Variants in MAPK1IP1L observed in about 807,000 individuals in gnomAD.
MAPK1IP1L encodes the protein MAPK-interacting and spindle-stabilizing protein-like.
A neutral mutation model predicts 18.1 loss-of-function variants in MAPK1IP1L; 10 were observed. The ratio of observed to expected loss-of-function variants is 0.55; its 90% CI spans 0.34 to 0.94. The LOEUF is 0.94. Among genes scored for constraint, MAPK1IP1L ranks in the 40% least tolerant of loss-of-function variants. The pLI, the probability that MAPK1IP1L is intolerant of heterozygous loss-of-function variation, is 0.02. For missense variants in MAPK1IP1L, 260 were observed against 318.2 expected (o/e 0.82, Z 1.39); for synonymous variants, 115 against 117.3 (o/e 0.98, Z 0.13).
In MAPK1IP1L at chr14:55,051,679, G is replaced by T. The variant is rs1161509009; in HGVS notation, c.-129G>T. 3.9e-6 allele frequency: 2 copies of T among 515,290 alleles called. No individual in the cohort carries two copies. Among genetic ancestry groups the T allele is most frequent in the Non-Finnish European group, 7.7e-6 (2 of 259,122 alleles). The allele number at this position is 515,290 out of a possible 1,614,324, so 31.9% of individuals were successfully genotyped here. A position where few individuals can be genotyped will look rare whatever the true frequency, so the allele number is the denominator to read the frequency against. ...GTTCCGGCGCCAGGAGGAGCCGCGC[G>T]CTGCTGGTGCTGTTGCCGCCGCTGC... On this transcript the variant is annotated 5_prime_UTR_variant, in exon 1 of 4. Coordinates refer to ENST00000395468, the MANE Select transcript of MAPK1IP1L (RefSeq NM_144578.4).
chr14:55,060,074 T>G (rs915974572), intron 1 of MAPK1IP1L, among the ~76,000 whole-genome samples: 3 of 151,920 alleles, frequency 2.0e-5, no homozygotes, highest in Non-Finnish European at 4.4e-5. Flanking sequence ...TTGATAGATT[T>G]GATGACATGA....
At chr14:55,056,661 C>T (rs1304715472) in intron 1 of MAPK1IP1L, among the ~76,000 whole-genome samples, 1 of 152,140 alleles carries the variant, frequency 6.6e-6, no homozygotes, top group African/African-American at 2.4e-5. Flanking sequence ...AGGTGCCCAC[C>T]ATTATGCCTG....
chr14:55,057,940 A>C (rs2042784681), intron 1 of MAPK1IP1L, among the ~76,000 whole-genome samples: 1 of 152,158 alleles, frequency 6.6e-6, no homozygotes, highest in African/African-American at 2.4e-5. Context: ...GTCTCAAAAA[A>C]AAATTGAATG....
At chr14:55,056,291 G>C (rs945903904) in intron 1 of MAPK1IP1L, among the ~76,000 whole-genome samples, 7 of 152,186 alleles carry the variant, frequency 4.6e-5, no homozygotes, top group Non-Finnish European at 7.4e-5. Context: ...CTGAAAACCT[G>C]AACAGTCAAG....
intron 2 of MAPK1IP1L, among the ~76,000 whole-genome samples, chr14:55,062,306 G>T (rs2042824010): frequency 6.6e-6 from 1 of 152,166 alleles, no homozygotes; most frequent in South Asian, 2.1e-4. Flanking sequence ...TCCATATCTT[G>T]ACTGTTAGTT....
At chr14:55,059,313 A>C in intron 1 of MAPK1IP1L, among the ~76,000 whole-genome samples, 1 of 152,052 alleles carries the variant, frequency 6.6e-6, no homozygotes, top group African/African-American at 2.4e-5. Context: ...TTAAAATGGA[A>C]TGGTACAGTT....
rs2042876925 is a variant in MAPK1IP1L at position 55,067,835 on chromosome 14, G to C, written c.*3208G>C. 6.6e-6 allele frequency: 1 copy of C among 152,236 alleles called. No homozygotes were observed. Among genetic ancestry groups the C allele is most frequent in the Admixed American group, 6.5e-5 (1 of 15,292 alleles). The allele number at this position is 152,236 out of a possible 1,614,324, so 9.4% of individuals were successfully genotyped here. A position where few individuals can be genotyped will look rare whatever the true frequency, so the allele number is the denominator to read the frequency against. ...GGGGATACAGATTATAGAATATGCT[G>C]ACATTTGGGCTTCAGAGGAAGAATT... On this transcript the variant is annotated 3_prime_UTR_variant, in exon 4 of 4. Coordinates refer to ENST00000395468, the MANE Select transcript of MAPK1IP1L (RefSeq NM_144578.4).
intron 1 of MAPK1IP1L, among the ~76,000 whole-genome samples, chr14:55,061,213 C>T (rs1044168903): frequency 3.9e-5 from 6 of 152,102 alleles, no homozygotes; most frequent in African/African-American, 1.4e-4. Flanking sequence ...TATCTATTGT[C>T]ATTATAAACA....
chr14:55,061,082 C>G (rs944029492), intron 1 of MAPK1IP1L, among the ~76,000 whole-genome samples: 1 of 151,998 alleles, frequency 6.6e-6, no homozygotes, highest in African/African-American at 2.4e-5. Flanking sequence ...CCCAGGAGGT[C>G]AAGATTGCAG....
Position 55,065,736 on chromosome 14 carries a change from CAG to C in MAPK1IP1L, c.*1112_*1113del, listed in dbSNP as rs1394808886. The C allele has an allele frequency of 1.3e-5, 2 of 152,156 alleles. No homozygotes were observed. The highest frequency in any genetic ancestry group is 3.8e-4 in the East Asian group (2 of 5,200). The allele number at this position is 152,156 out of a possible 1,614,324, so 9.4% of individuals were successfully genotyped here. ...TGAATCAAAATATGTATCTCTTTTT[CAG>C]AGTCTGGTTAAGCTATGTCATTGTC... On this transcript the variant is annotated 3_prime_UTR_variant, in exon 4 of 4. Transcript: ENST00000395468.
chr14:55,063,607 C>CT (rs1209342364), intron 3 of MAPK1IP1L, among the ~76,000 whole-genome samples: 2 of 152,272 alleles, frequency 1.3e-5, no homozygotes, highest in East Asian at 3.9e-4. Context: ...TAGGTAAACT[C>CT]TGAGATTCAT....
chr14:55,053,852 A>G (rs1248334259), intron 1 of MAPK1IP1L, among the ~76,000 whole-genome samples: 1 of 152,196 alleles, frequency 6.6e-6, no homozygotes, highest in Non-Finnish European at 1.5e-5. Flanking sequence ...AGGCCAACAC[A>G]TTGTTTGGCA....
chr14:55,060,756 TCTGAA>T (rs2042811684), intron 1 of MAPK1IP1L: 1 of 152,224 alleles, frequency 6.6e-6, no homozygotes. Context: ...AGCTTGTTAA[TCTGAA>T]CACTTAAGAT....
In MAPK1IP1L at chr14:55,065,650, A is replaced by T. The variant is rs1190120112; in HGVS notation, c.*1023A>T. The T allele has an allele frequency of 6.6e-6, 1 of 152,150 alleles. No homozygotes were observed. The highest frequency in any genetic ancestry group is 1.5e-5 in the Non-Finnish European group (1 of 68,034). The allele number at this position is 152,150 out of a possible 1,614,324, so 9.4% of individuals were successfully genotyped here. On this transcript the variant is annotated 3_prime_UTR_variant, in exon 4 of 4. Transcript: ENST00000395468. ...GCACACTCCAGGGGTCTAAAACATA[A>T]AACAGTTGTGTTTAGGGAACCTTAA...
At position 55,061,703 on chromosome 14, in the gene MAPK1IP1L, T is replaced by G; in HGVS notation, c.18+2T>G. ...AGGAAAATGTCTGATGAATTTTCGG[T>G]AAGTTGATCAGTTTATCTGTGATAA... On this transcript the variant is annotated splice_donor_variant, in intron 2 of 3. Transcript: ENST00000395468. LOFTEE classifies it high-confidence loss of function. 5 of 1,569,524 alleles carry G rather than the reference T, an allele frequency of 3.2e-6. No individual in the cohort carries two copies. The highest frequency in any genetic ancestry group is 4.3e-6 in the Non-Finnish European group (5 of 1,152,200).
chr14:55,064,582 T>C (rs2042847580), intron 3 of MAPK1IP1L, 34 bp from the exon 4 acceptor site: 21 of 1,608,254 alleles, frequency 1.3e-5, no homozygotes, highest in Non-Finnish European at 1.6e-5. Flanking sequence ...ATTTGCAAAA[T>C]CTAGAAGTTG....
chr14:55,061,709 G>T lies in MAPK1IP1L; in HGVS notation c.18+8G>T, dbSNP rs189537677. On this transcript the variant is annotated splice_region_variant and intron_variant, in intron 2 of 3. Coordinates refer to ENST00000395468, the MANE Select transcript of MAPK1IP1L (RefSeq NM_144578.4). Reference sequence around the variant, plus strand: ...ATGTCTGATGAATTTTCGGTAAGTTGATCAGTTTATCTGTGATAAGTTTTT... The same window carrying T: ...ATGTCTGATGAATTTTCGGTAAGTTTATCAGTTTATCTGTGATAAGTTTTT... 39 of 1,564,686 alleles carry T rather than the reference G, an allele frequency of 2.5e-5. No individual in the cohort carries two copies. The Admixed American group carries it at 4.9e-4, about 20-fold the overall frequency.
At chr14:55,051,912 A>G (rs2042731619) in intron 1 of MAPK1IP1L, 109 bp downstream of exon 1, 4 of 410,832 alleles carry the variant, frequency 9.7e-6, no homozygotes, top group Non-Finnish European at 1.5e-5. Context: ...ACCGAGGTGC[A>G]TCGAGTCACG....
Position 55,065,724 on chromosome 14 carries a change from G to C in MAPK1IP1L, c.*1097G>C, listed in dbSNP as rs1308870039. The C allele has an allele frequency of 6.6e-6, 1 of 152,160 alleles. No homozygotes were observed. The highest frequency in any genetic ancestry group is 2.4e-5 in the African/African-American group (1 of 41,446). The allele number at this position is 152,160 out of a possible 1,614,324, so 9.4% of individuals were successfully genotyped here. ...TTTGTACAAGTGTGAATCAAAATAT[G>C]TATCTCTTTTTCAGAGTCTGGTTAA... On this transcript the variant is annotated 3_prime_UTR_variant, in exon 4 of 4. Coordinates refer to ENST00000395468, the MANE Select transcript of MAPK1IP1L (RefSeq NM_144578.4).
Sources: allele counts gnomAD v4.1 joint callset (sites outside exome capture counted in the v4.1 genomes callset), GRCh38; gene constraint gnomAD v4.1.1; transcripts MANE v1.5; gene names NCBI Gene and HGNC (gene_info 2026-07-23, HGNC 2026-07-21).